Variants in PITPNC1 observed in about 807,000 individuals in gnomAD.
PITPNC1 encodes the protein phosphatidylinositol transfer protein cytoplasmic 1.
PITPNC1 carries 18 observed loss-of-function variants against 44.7 expected under a neutral mutation model. That is an observed-to-expected ratio of 0.40 (90% confidence interval 0.28 to 0.60). The LOEUF is 0.60. Among genes scored for constraint, PITPNC1 ranks in the 20% least tolerant of loss-of-function variants. The pLI is 0.39. For synonymous variants in PITPNC1, 141 were observed against 149.6 expected (o/e 0.94, Z 0.42); for missense variants, 290 against 418.4 (o/e 0.69, Z 2.68).
chr17:67,427,332 T>A lies in PITPNC1; in HGVS notation c.48+49130T>A, dbSNP rs1352590420. Among the ~76,000 whole-genome samples, 8 of 152,270 alleles carry A rather than the reference T, an allele frequency of 5.3e-5. No individual in the cohort carries two copies. The South Asian group carries it at 1.7e-3, about 31-fold the overall frequency. On this transcript the variant is annotated intron_variant, in intron 1 of 8. Coordinates refer to ENST00000581322, the MANE Select transcript of PITPNC1 (RefSeq NM_012417.4). ...TTCAAGCAATTCTCCTGCTTCAGCC[T>A]CCCGAGTAGCTGGGACCACAGGCGC...
chr17:67,423,422 C>A (rs2038699244), intron 1 of PITPNC1, among the ~76,000 whole-genome samples: 1 of 152,160 alleles, frequency 6.6e-6, no homozygotes, highest in African/African-American at 2.4e-5. Flanking sequence ...ACCTAGCAGG[C>A]CTGACTTTCT....
chr17:67,601,569 A>G (rs577416163), intron 5 of PITPNC1, among the ~76,000 whole-genome samples: 1 of 152,054 alleles, frequency 6.6e-6, no homozygotes, highest in South Asian at 2.1e-4. Context: ...TGGACAACAT[A>G]GTGAGACCCC....
chr17:67,486,485 G>C (rs559158998), intron 1 of PITPNC1, among the ~76,000 whole-genome samples: 1 of 152,258 alleles, frequency 6.6e-6, no homozygotes, highest in South Asian at 2.1e-4. Flanking sequence ...AGATGGCATT[G>C]ATCGGAGATG....
At chr17:67,392,417 T>A (rs2038151997) in intron 1 of PITPNC1, among the ~76,000 whole-genome samples, 1 of 152,090 alleles carries the variant, frequency 6.6e-6, no homozygotes, top group South Asian at 2.1e-4. Context: ...CTAAAATAAT[T>A]TTTTTTAAAG....
chr17:67,473,865 C>G (rs2039587251), intron 1 of PITPNC1, among the ~76,000 whole-genome samples: 1 of 152,182 alleles, frequency 6.6e-6, no homozygotes, highest in South Asian at 2.1e-4. Flanking sequence ...CTGTAATGTT[C>G]TCCTGGTGAT....
At chr17:67,388,955 A>ACCC (rs2038095957) in intron 1 of PITPNC1, among the ~76,000 whole-genome samples, 1 of 152,232 alleles carries the variant, frequency 6.6e-6, no homozygotes, top group Non-Finnish European at 1.5e-5. Context: ...TCAGTGGCTT[A>ACCC]CAATAACACC....
intron 4 of PITPNC1, among the ~76,000 whole-genome samples, chr17:67,564,998 A>G (rs1056472656): frequency 6.6e-6 from 1 of 152,100 alleles, no homozygotes; most frequent in Non-Finnish European, 1.5e-5. Flanking sequence ...TTCAGTGGAT[A>G]TACTAGTTTT....
rs987288220 is a variant in PITPNC1 at position 67,465,613 on chromosome 17, G to A, written c.49-67189G>A. ...GTCACCCACGAATGACAGAGCCCCT[G>A]CACTGGATAGCCTTTCTCCAATCTG... is the stretch of plus-strand genomic sequence containing the variant. On this transcript the variant is annotated intron_variant, in intron 1 of 8. Transcript: ENST00000581322. 5.3e-5 allele frequency among the ~76,000 whole-genome samples: 8 copies of A among 152,112 alleles called. No homozygotes were observed. The South Asian group carries it at 1.7e-3, about 32-fold the overall frequency.
In PITPNC1 at chr17:67,632,249, G is replaced by A. The variant is rs761669148; in HGVS notation, c.462+11G>A. 1.2e-5 allele frequency: 18 copies of A among 1,511,308 alleles called. No homozygotes were observed. The South Asian group carries it at 1.6e-4, about 13-fold the overall frequency. The allele number at this position is 1,511,308 out of a possible 1,614,324, so 93.6% of individuals were successfully genotyped here. A position where few individuals can be genotyped will look rare whatever the true frequency, so the allele number is the denominator to read the frequency against. On this transcript the variant is annotated intron_variant, in intron 6 of 8. Coordinates refer to ENST00000581322, the MANE Select transcript of PITPNC1 (RefSeq NM_012417.4). ...TACAAAGAATCTGAGGTAAGCAACA[G>A]TTGGGATGAGATGTGGAAGATTCAT...
intron 8 of PITPNC1, among the ~76,000 whole-genome samples, chr17:67,682,102 G>A (rs1338652586): frequency 6.6e-6 from 1 of 152,144 alleles, no homozygotes; most frequent in African/African-American, 2.4e-5. Context: ...TCAGGAGGCT[G>A]AGGCAGGAGA....
At chr17:67,622,636 T>A (rs2041848584) in intron 5 of PITPNC1, among the ~76,000 whole-genome samples, 1 of 151,852 alleles carries the variant, frequency 6.6e-6, no homozygotes, top group African/African-American at 2.4e-5. Flanking sequence ...TTCCAGCCCT[T>A]TGAGAGGCTG....
intron 4 of PITPNC1, among the ~76,000 whole-genome samples, chr17:67,567,448 CAA>C (rs1471893951): frequency 6.6e-6 from 1 of 151,596 alleles, no homozygotes; most frequent in Non-Finnish European, 1.5e-5. Context: ...TGCGCCACTG[CAA>C]TCCAGCCTGG....
chr17:67,658,149 G>A (rs1242556327), intron 6 of PITPNC1, among the ~76,000 whole-genome samples: 1 of 152,210 alleles, frequency 6.6e-6, no homozygotes, highest in East Asian at 1.9e-4. Flanking sequence ...GACAGTGACA[G>A]GAGGGCAGCC....
At chr17:67,562,786 T>C (rs2040923105) in intron 4 of PITPNC1, among the ~76,000 whole-genome samples, 1 of 152,184 alleles carries the variant, frequency 6.6e-6, no homozygotes, top group South Asian at 2.1e-4. Context: ...CTTTTTGAAA[T>C]TGATGTGTGT....
At chr17:67,383,672 CTCAAGAGACGCTAA>C (rs2037998126) in intron 1 of PITPNC1, among the ~76,000 whole-genome samples, 1 of 152,214 alleles carries the variant, frequency 6.6e-6, no homozygotes, top group African/African-American at 2.4e-5. Context: ...ATGAGCGTCT[CTCAAGAGACGCTAA>C]GCACATCCTA....
chr17:67,524,381 G>C (rs1598777408), intron 1 of PITPNC1: 1 of 152,058 alleles, frequency 6.6e-6, no homozygotes, highest in Non-Finnish European at 1.5e-5. Context: ...GGGGGTCAAG[G>C]CTGCAATGAG....
chr17:67,406,889 A>G (rs905270919), intron 1 of PITPNC1, among the ~76,000 whole-genome samples: 4 of 152,146 alleles, frequency 2.6e-5, no homozygotes, highest in South Asian at 2.1e-4. Context: ...GCCTGGCCTC[A>G]TGGCTTAATA....
chr17:67,571,728 C>T (rs1289108168), intron 4 of PITPNC1, among the ~76,000 whole-genome samples: 8 of 152,382 alleles, frequency 5.2e-5, no homozygotes, highest in South Asian at 2.1e-4. Flanking sequence ...GTCCTATCCA[C>T]GTGGCTATCT....
chr17:67,520,618 G>A (rs1167430955), intron 1 of PITPNC1, among the ~76,000 whole-genome samples: 1 of 152,122 alleles, frequency 6.6e-6, no homozygotes, highest in Non-Finnish European at 1.5e-5. Flanking sequence ...CATCTACAGG[G>A]CTTGGCATAC....
Sources: allele counts gnomAD v4.1 joint callset (sites outside exome capture counted in the v4.1 genomes callset), GRCh38; gene constraint gnomAD v4.1.1; transcripts MANE v1.5; gene names NCBI Gene and HGNC (gene_info 2026-07-23, HGNC 2026-07-21).